The following PIBF1 variants were observed in gnomAD, a reference collection of about 807,000 sequenced individuals.
The protein encoded by PIBF1 is progesterone immunomodulatory binding factor 1, also known as progesterone-induced-blocking factor 1.
A neutral mutation model predicts 112.5 loss-of-function variants in PIBF1; 90 were observed. The ratio of observed to expected loss-of-function variants is 0.80; its 90% CI spans 0.67 to 0.95. The LOEUF is 0.95. Among genes scored for constraint, PIBF1 ranks in the 40% least tolerant of loss-of-function variants. The probability of loss-of-function intolerance (pLI) is 0.00; values close to 1 mark genes in which losing one functional copy is unlikely to be tolerated. For synonymous variants in PIBF1, 301 were observed against 288.6 expected, an observed-to-expected ratio of 1.04 and a Z score of -0.44; for missense variants, 915 against 852.3, an observed-to-expected ratio of 1.07 and a Z score of -0.92.
intron 16 of PIBF1, among the ~76,000 whole-genome samples, chr13:72,998,329 A>T (rs1272763473): frequency 6.6e-6 from 1 of 152,246 alleles, no homozygotes. Flanking sequence ...CAAAAAAATT[A>T]GCTGGGCGTG....
intron 5 of PIBF1, among the ~76,000 whole-genome samples, chr13:72,807,416 A>T (rs964115241): frequency 2.6e-5 from 4 of 152,184 alleles, no homozygotes; most frequent in African/African-American, 9.6e-5. Flanking sequence ...CTCTATTAAA[A>T]ATACATAAAT....
chr13:72,840,809 A>G (rs989852214), intron 9 of PIBF1, among the ~76,000 whole-genome samples: 1 of 152,188 alleles, frequency 6.6e-6, no homozygotes, highest in Admixed American at 6.5e-5. Flanking sequence ...TACAGGCGTG[A>G]GCCACCATGC....
At chr13:72,826,372 A>G (rs945039974) in intron 6 of PIBF1, among the ~76,000 whole-genome samples, 3 of 152,208 alleles carry the variant, frequency 2.0e-5, no homozygotes, top group African/African-American at 7.2e-5. Flanking sequence ...TGGAAATACC[A>G]GGTGGGTCAG....
At chr13:72,935,061 C>A (rs1368970138) in intron 14 of PIBF1, among the ~76,000 whole-genome samples, 2 of 152,134 alleles carry the variant, frequency 1.3e-5, no homozygotes, top group African/African-American at 4.8e-5. Flanking sequence ...TCTTGGCTCA[C>A]CACAACCTCT....
chr13:72,824,917 A>G (rs930623298), intron 6 of PIBF1, among the ~76,000 whole-genome samples: 3 of 152,178 alleles, frequency 2.0e-5, no homozygotes, highest in Non-Finnish European at 4.4e-5. Context: ...ATCATTTCTG[A>G]GAATCATTTC....
At chr13:72,949,221 T>G (rs1183939766) in intron 14 of PIBF1, among the ~76,000 whole-genome samples, 1 of 151,676 alleles carries the variant, frequency 6.6e-6, no homozygotes, top group African/African-American at 2.4e-5. Flanking sequence ...GAGACTGATT[T>G]GGAAGATTGG....
intron 9 of PIBF1, among the ~76,000 whole-genome samples, chr13:72,843,832 C>T (rs767162975): frequency 1.3e-5 from 2 of 152,170 alleles, no homozygotes; most frequent in South Asian, 2.1e-4. Flanking sequence ...CTCCACTTAG[C>T]CCTCAGATTA....
rs35219701 is a variant in PIBF1, at chr13:72,809,132, C to CTTTTTTTTTTTTTTTT, written c.672+11114_672+11129dup. Among the ~76,000 whole-genome samples, 11 of 74,840 alleles carry CTTTTTTTTTTTTTTTT rather than the reference C, an allele frequency of 1.5e-4. 1 individual carries two copies. Among genetic ancestry groups the CTTTTTTTTTTTTTTTT allele is most frequent in the African/African-American group, 5.0e-4 (8 of 16,056 alleles). The allele number at this position is 74,840 out of a possible 152,430, so 49.1% of individuals were successfully genotyped here. A position where few individuals can be genotyped will look rare whatever the true frequency, so the allele number is the denominator to read the frequency against. Reference sequence around the variant, plus strand: ...CACCACTTGGGGGCAGTATATGTCCCTTTTTTTTTTTTTTTTTTTTTTTAA... The same window carrying CTTTTTTTTTTTTTTTT: ...CACCACTTGGGGGCAGTATATGTCCCTTTTTTTTTTTTTTTTTTTTTTTTTTTTTTTTTTTTTTTAA... On this transcript the variant is annotated intron_variant, in intron 5 of 17. Transcript: ENST00000326291.
At chr13:72,924,739 T>G (rs975108510) in intron 13 of PIBF1, among the ~76,000 whole-genome samples, 1 of 152,122 alleles carries the variant, frequency 6.6e-6, no homozygotes, top group African/African-American at 2.4e-5. Flanking sequence ...GAAGATTTAT[T>G]AAGTACCTAC....
At chr13:72,819,059 T>C (rs2036425289) in intron 5 of PIBF1, among the ~76,000 whole-genome samples, 1 of 152,110 alleles carries the variant, frequency 6.6e-6, no homozygotes, top group East Asian at 1.9e-4. Flanking sequence ...TCTACTCACA[T>C]CTGCACTCAT....
chr13:72,865,546 A>G (rs2038890147), intron 10 of PIBF1, among the ~76,000 whole-genome samples: 1 of 152,178 alleles, frequency 6.6e-6, no homozygotes, highest in South Asian at 2.1e-4. Flanking sequence ...TGTTACTATA[A>G]TTTTTACACT....
intron 16 of PIBF1, among the ~76,000 whole-genome samples, chr13:72,975,504 A>T (rs2042998984): frequency 6.6e-6 from 1 of 152,204 alleles, no homozygotes; most frequent in South Asian, 2.1e-4. Context: ...GTTCAAAGGT[A>T]CGTATCCTAG....
intron 16 of PIBF1, among the ~76,000 whole-genome samples, chr13:72,984,822 TC>T (rs2043235836): frequency 6.6e-6 from 1 of 152,196 alleles, no homozygotes; most frequent in Non-Finnish European, 1.5e-5. Context: ...ACAAGTCAGT[TC>T]AGTCTTGTGT....
intron 16 of PIBF1, among the ~76,000 whole-genome samples, chr13:72,988,360 G>A (rs559834034): frequency 3.3e-5 from 5 of 151,916 alleles, no homozygotes; most frequent in Non-Finnish European, 7.4e-5. Flanking sequence ...TTCTTTTGAG[G>A]CAAAGAGACA....
At chr13:72,877,992 G>A (rs887770354) in intron 10 of PIBF1, among the ~76,000 whole-genome samples, 4 of 151,792 alleles carry the variant, frequency 2.6e-5, no homozygotes, top group East Asian at 3.9e-4. Flanking sequence ...CAGGTGATCC[G>A]CCCACCTCGG....
At chr13:72,785,579 T>G (rs1313344220) in intron 2 of PIBF1, among the ~76,000 whole-genome samples, 1 of 152,220 alleles carries the variant, frequency 6.6e-6, no homozygotes, top group Non-Finnish European at 1.5e-5. Flanking sequence ...ACACTTTCTT[T>G]TAGGTACCCT....
intron 9 of PIBF1, among the ~76,000 whole-genome samples, chr13:72,846,559 C>T (rs923615403): frequency 6.6e-6 from 1 of 152,144 alleles, no homozygotes; most frequent in African/African-American, 2.4e-5. Flanking sequence ...TGTGATCCTA[C>T]CTGATCAGTA....
chr13:72,806,701 C>T (rs2035753285), intron 5 of PIBF1, among the ~76,000 whole-genome samples: 1 of 152,208 alleles, frequency 6.6e-6, no homozygotes, highest in Non-Finnish European at 1.5e-5. Flanking sequence ...AGGACATTAA[C>T]TCTTCCTTTT....
intron 16 of PIBF1, among the ~76,000 whole-genome samples, chr13:72,991,718 A>G (rs1394159998): frequency 6.8e-6 from 1 of 147,364 alleles, no homozygotes; most frequent in Non-Finnish European, 1.5e-5. Context: ...CCCCCATCTC[A>G]ATTTTTTTTT....
Sources: allele counts gnomAD v4.1 joint callset (sites outside exome capture counted in the v4.1 genomes callset), GRCh38; gene constraint gnomAD v4.1.1; transcripts MANE v1.5; gene names NCBI Gene and HGNC (gene_info 2026-07-23, HGNC 2026-07-21).